Variants in LHFPL3 observed in about 807,000 individuals in gnomAD.
LHFPL3 encodes LHFPL tetraspan subfamily member 3, also known as LHFPL tetraspan subfamily member 3 protein.
In LHFPL3, 5 loss-of-function variants were observed where a neutral mutation model predicts 19.3. The observed-to-expected ratio is 0.26, with a 90% CI of 0.14 to 0.54. The LOEUF is 0.54. Ranked by LOEUF, LHFPL3 falls within the 20% of genes least tolerant of loss-of-function variation. LHFPL3 has a pLI of 0.94. For missense variants in LHFPL3, 249 were observed against 307.4 expected (o/e 0.81, Z 1.42); for synonymous variants, 133 against 126.2 (o/e 1.05, Z -0.36).
chr7:104,392,192 G>A (rs1791086480), intron 1 of LHFPL3, among the ~76,000 whole-genome samples: 1 of 151,788 alleles, frequency 6.6e-6, no homozygotes, highest in Non-Finnish European at 1.5e-5. Context: ...TCTCCTGCCT[G>A]ATTGCCCTGG....
At chr7:104,695,012 A>G (rs1248916575) in intron 1 of LHFPL3, among the ~76,000 whole-genome samples, 2 of 152,248 alleles carry the variant, frequency 1.3e-5, no homozygotes, top group Non-Finnish European at 2.9e-5. Flanking sequence ...GTCATGGACC[A>G]TGAAGAAAGG....
At chr7:104,403,285 C>T (rs889113340) in intron 1 of LHFPL3, among the ~76,000 whole-genome samples, 8 of 152,196 alleles carry the variant, frequency 5.3e-5, no homozygotes, top group Non-Finnish European at 8.8e-5. Flanking sequence ...AAGGGTTGAC[C>T]GTTGGACCTG....
intron 2 of LHFPL3, among the ~76,000 whole-genome samples, chr7:104,841,104 T>A (rs1213237231): frequency 2.0e-5 from 3 of 152,206 alleles, no homozygotes; most frequent in Non-Finnish European, 4.4e-5. Context: ...CACACATGCA[T>A]GGTGCCAGCA....
intron 2 of LHFPL3, among the ~76,000 whole-genome samples, chr7:104,886,866 G>C (rs1792159035): frequency 6.6e-6 from 1 of 152,182 alleles, no homozygotes; most frequent in South Asian, 2.1e-4. Context: ...TGCTCTCTCT[G>C]AAAATCAAGC....
intron 1 of LHFPL3, among the ~76,000 whole-genome samples, chr7:104,518,836 T>TAGAC (rs1793981275): frequency 1.3e-5 from 2 of 151,028 alleles, no homozygotes; most frequent in African/African-American, 4.9e-5. Flanking sequence ...GATAGATAGA[T>TAGAC]AGATAGATAG....
intron 1 of LHFPL3, among the ~76,000 whole-genome samples, chr7:104,661,529 A>T (rs996261786): frequency 1.3e-5 from 2 of 152,220 alleles, no homozygotes; most frequent in African/African-American, 2.4e-5. Flanking sequence ...ACTTGGTTGA[A>T]AGAAAAGAAA....
At chr7:104,559,905 G>A (rs1387596513) in intron 1 of LHFPL3, among the ~76,000 whole-genome samples, 2 of 147,648 alleles carry the variant, frequency 1.4e-5, no homozygotes, top group Non-Finnish European at 2.9e-5. Flanking sequence ...GTTGAATTTT[G>A]TCAAAGGCTT....
At chr7:104,621,566 T>C (rs1791446358) in intron 1 of LHFPL3, among the ~76,000 whole-genome samples, 1 of 152,220 alleles carries the variant, frequency 6.6e-6, no homozygotes, top group African/African-American at 2.4e-5. Flanking sequence ...ACAGAGGTGC[T>C]GACATGGACA....
chr7:104,523,835 A>G (rs1794129563), intron 1 of LHFPL3, among the ~76,000 whole-genome samples: 1 of 152,144 alleles, frequency 6.6e-6, no homozygotes, highest in African/African-American at 2.4e-5. Context: ...ATGGTAATCC[A>G]CCAACCTGGC....
chr7:104,763,519 C>A (rs1584521272), intron 2 of LHFPL3, among the ~76,000 whole-genome samples: 1 of 152,208 alleles, frequency 6.6e-6, no homozygotes. Context: ...ACTCAGACTC[C>A]CTGCAGTGCA....
At chr7:104,430,398 A>ACACG (rs1791951446) in intron 1 of LHFPL3, among the ~76,000 whole-genome samples, 2 of 35,928 alleles carry the variant, frequency 5.6e-5, no homozygotes, top group Non-Finnish European at 8.6e-5. Context: ...ATATATATAT[A>ACACG]TATATACATA....
At chr7:104,759,272 C>T (rs1794335375) in intron 2 of LHFPL3, among the ~76,000 whole-genome samples, 1 of 152,034 alleles carries the variant, frequency 6.6e-6, no homozygotes. Flanking sequence ...TAGAACTTTA[C>T]TTAGGAGTGG....
At chr7:104,799,623 G>C (rs934017341) in intron 2 of LHFPL3, 2 of 152,534 alleles carry the variant, frequency 1.3e-5, no homozygotes, top group African/African-American at 2.4e-5. Context: ...TGCACTCTTC[G>C]ATGCTCCCTC....
At chr7:104,615,674 C>T (rs1271679249) in intron 1 of LHFPL3, among the ~76,000 whole-genome samples, 4 of 150,832 alleles carry the variant, frequency 2.7e-5, no homozygotes, top group African/African-American at 9.7e-5. Flanking sequence ...CCCTCCTCTA[C>T]CCACCCCCAC....
At chr7:104,664,405 C>G (rs768193996) in intron 1 of LHFPL3, among the ~76,000 whole-genome samples, 25 of 152,152 alleles carry the variant, frequency 1.6e-4, no homozygotes, top group Non-Finnish European at 1.8e-4. Context: ...TCAAATACAG[C>G]AGAAGTTCCT....
intron 2 of LHFPL3, among the ~76,000 whole-genome samples, chr7:104,793,147 C>T (rs913126695): frequency 7.2e-5 from 11 of 152,138 alleles, no homozygotes; most frequent in African/African-American, 2.2e-4. Flanking sequence ...CTGCCCACCT[C>T]GGCCTCCCAA....
chr7:104,593,261 A>T (rs1006815052), intron 1 of LHFPL3, among the ~76,000 whole-genome samples: 1 of 152,108 alleles, frequency 6.6e-6, no homozygotes, highest in African/African-American at 2.4e-5. Context: ...TTGGTTTCAA[A>T]GAACATCTTT....
At chr7:104,829,264 A>G (rs932002237) in intron 2 of LHFPL3, among the ~76,000 whole-genome samples, 1 of 151,790 alleles carries the variant, frequency 6.6e-6, no homozygotes, top group Non-Finnish European at 1.5e-5. Context: ...ATAAAGGAAG[A>G]GAGTAGAAAA....
rs1794574259 is a variant in LHFPL3 at position 104,772,657 on chromosome 7, A to C, written c.682+35746A>C. 3.3e-5 allele frequency among the ~76,000 whole-genome samples: 5 copies of C among 152,220 alleles called. 1 individual carries two copies. The highest frequency in any genetic ancestry group is 6.5e-5 in the Admixed American group (1 of 15,284). The stretch of plus-strand genomic sequence containing the variant: ...CACAGAGATAAAGAAGAACACAGAA[A>C]TCTCATTCCCCTGCTGCCTCGAGGT... On this transcript the variant is annotated intron_variant, in intron 2 of 2. Transcript: ENST00000424859.
Sources: allele counts gnomAD v4.1 joint callset (sites outside exome capture counted in the v4.1 genomes callset), GRCh38; gene constraint gnomAD v4.1.1; transcripts MANE v1.5; gene names NCBI Gene and HGNC (gene_info 2026-07-23, HGNC 2026-07-21).